The following ZMYM4 variants were observed in gnomAD, a reference collection of about 807,000 sequenced individuals.
The protein encoded by ZMYM4 is zinc finger MYM-type containing 4.
In ZMYM4, 31 loss-of-function variants were observed where a neutral mutation model predicts 183.2. The ratio of observed to expected loss-of-function variants is 0.17; its 90% confidence interval spans 0.13 to 0.23. The LOEUF (loss-of-function observed/expected upper bound fraction) is 0.23, where lower values mean the gene tolerates loss of function less well. Ranked by LOEUF, ZMYM4 falls within the 10% of genes least tolerant of loss-of-function variation. The pLI is 1.00. For synonymous variants in ZMYM4, 592 were observed against 631.2 expected, an observed-to-expected ratio of 0.94 and a Z score of 0.93; for missense variants, 1,273 against 1,840.3, an observed-to-expected ratio of 0.69 and a Z score of 5.64.
At position 35,392,556 on chromosome 1, in the gene ZMYM4, G is replaced by A; in HGVS notation, c.2729-91G>A. On this transcript the variant is annotated intron_variant, in intron 16 of 29. Transcript: ENST00000314607. Reference sequence around the variant, plus strand: ...AAAAAAACACATGTTCTTAGTATGAGGGTTTGTGTTTATGTACTGATAATC... The same window carrying A: ...AAAAAAACACATGTTCTTAGTATGAAGGTTTGTGTTTATGTACTGATAATC... 2.3e-6 allele frequency: 3 copies of A among 1,326,962 alleles called. 1 individual carries two copies. Among genetic ancestry groups the A allele is most frequent in the South Asian group, 2.6e-5 (2 of 76,996 alleles). 82.2% of individuals were successfully genotyped at this position (1,326,962 alleles called of 1,614,324 possible).
intron 2 of ZMYM4, 122 bp from the exon 3 acceptor site, chr1:35,358,803 T>C: frequency 1.3e-6 from 1 of 799,990 alleles, no homozygotes; most frequent in Non-Finnish European, 1.9e-6. Context: ...GTTAAATGAA[T>C]ACTATGGTAA....
chr1:35,299,307 G>C (rs1641164260), intron 1 of ZMYM4, among the ~76,000 whole-genome samples: 1 of 151,792 alleles, frequency 6.6e-6, no homozygotes, highest in Non-Finnish European at 1.5e-5. Flanking sequence ...TTGGCGTCTT[G>C]AACAAAGAAT....
chr1:35,387,416 A>C (rs771501295), intron 12 of ZMYM4, 38 bp from the exon 13 acceptor site: 1 of 1,578,580 alleles, frequency 6.3e-7, no homozygotes, highest in East Asian at 2.2e-5. Flanking sequence ...AAGACAAACC[A>C]AATGTTTAAT....
intron 2 of ZMYM4, among the ~76,000 whole-genome samples, chr1:35,333,827 A>AC (rs1303957356): frequency 6.6e-6 from 1 of 151,602 alleles, no homozygotes; most frequent in Non-Finnish European, 1.5e-5. Context: ...ACTTCATAAA[A>AC]CCCCTTCACC....
chr1:35,408,734 AC>A (rs1639740238), intron 26 of ZMYM4, among the ~76,000 whole-genome samples: 1 of 152,174 alleles, frequency 6.6e-6, no homozygotes, highest in Non-Finnish European at 1.5e-5. Flanking sequence ...CTGAGGAAAA[AC>A]AAAAAAAAAG....
intron 26 of ZMYM4, among the ~76,000 whole-genome samples, chr1:35,411,004 A>G (rs1639867750): frequency 6.6e-6 from 1 of 151,724 alleles, no homozygotes; most frequent in Non-Finnish European, 1.5e-5. Context: ...TAATTTTTGT[A>G]TCTGGTATGA....
At position 35,370,037 on chromosome 1, in the gene ZMYM4, T is replaced by G; in HGVS notation, c.849T>G (p.Ser283Arg). Residue 283 changes from serine to arginine, a missense_variant, in exon 6 of 30, where the codon AGT becomes AGG. Physicochemically the swap from Ser to Arg is moderately radical, Grantham distance 110. Around this residue, in one of 6 missense-constraint regions of ZMYM4, gnomAD observed 384 missense variants for 465.6 expected, o/e 0.82. Coordinates refer to ENST00000314607, the MANE Select transcript of ZMYM4 (RefSeq NM_005095.3). ...KDEPDNAQEY[S>R]HGQQQKTQEG... ...TTTTTTCTTCTTTAAAGGAGTATAG[T>G]CATGGCCAACAGCAAAAAACTCAAG... The G allele has an allele frequency of 6.2e-7, 1 of 1,612,686 alleles. No individual in the cohort carries two copies. Among genetic ancestry groups the G allele is most frequent in the Non-Finnish European group, 8.5e-7 (1 of 1,178,958 alleles).
rs547115069 is a variant in ZMYM4, at chr1:35,304,994, C to T, written c.40-20366C>T. On this transcript the variant is annotated intron_variant, in intron 1 of 29. Transcript: ENST00000314607. ...CTAAGTAGGTGGTATTACAGGCATG[C>T]GCTACTACGACCAGCTAATTTTTGT... 2.2e-4 allele frequency among the ~76,000 whole-genome samples: 34 copies of T among 152,134 alleles called. No individual in the cohort carries two copies. In the South Asian group the frequency reaches 4.2e-3, roughly 19 times the overall value.
chr1:35,418,297 CACT>C (rs1640201764), intron 28 of ZMYM4, 143 bp from the exon 29 acceptor site: 1 of 780,756 alleles, frequency 1.3e-6, no homozygotes, highest in African/African-American at 1.8e-5. Flanking sequence ...CCTTCATAGG[CACT>C]CAGTATTTGT....
chr1:35,404,241 T>C (rs1290133094), intron 23 of ZMYM4, among the ~76,000 whole-genome samples: 3 of 152,074 alleles, frequency 2.0e-5, no homozygotes, highest in African/African-American at 7.2e-5. Context: ...ATTTTTTAAT[T>C]TTTTGTAGAG....
At chr1:35,318,753 C>T (rs1258187811) in intron 1 of ZMYM4, among the ~76,000 whole-genome samples, 4 of 151,950 alleles carry the variant, frequency 2.6e-5, no homozygotes, top group Admixed American at 2.6e-4. Flanking sequence ...CCACTGTGCC[C>T]AGCCATACTC....
chr1:35,273,216 A>G (rs1639705313), intron 1 of ZMYM4, among the ~76,000 whole-genome samples: 1 of 152,172 alleles, frequency 6.6e-6, no homozygotes, highest in African/African-American at 2.4e-5. Context: ...TAGTATAGAG[A>G]GAATTAAGTT....
At chr1:35,319,186 A>G (rs1034899922) in intron 1 of ZMYM4, among the ~76,000 whole-genome samples, 4 of 152,164 alleles carry the variant, frequency 2.6e-5, no homozygotes, top group African/African-American at 9.6e-5. Flanking sequence ...GGCCAAACTG[A>G]CAGAGTTTTT....
At chr1:35,355,155 T>G (rs1643771423) in intron 2 of ZMYM4, among the ~76,000 whole-genome samples, 1 of 148,220 alleles carries the variant, frequency 6.7e-6, no homozygotes, top group South Asian at 2.2e-4. Context: ...TGCGTCAGCC[T>G]CCCGAGTAGC....
chr1:35,270,626 G>A (rs1014564898), intron 1 of ZMYM4, among the ~76,000 whole-genome samples: 2 of 152,132 alleles, frequency 1.3e-5, no homozygotes, highest in Non-Finnish European at 2.9e-5. Flanking sequence ...CCGGCGTGGT[G>A]GCGGGTGCCT....
In ZMYM4 at chr1:35,420,833, A is replaced by G. The variant is rs1298578475; in HGVS notation, c.*1156A>G. 6.6e-6 allele frequency: 1 copy of G among 152,628 alleles called. No homozygotes were observed. Among genetic ancestry groups the G allele is most frequent in the African/African-American group, 2.4e-5 (1 of 41,432 alleles). The allele number at this position is 152,628 out of a possible 1,614,324, so 9.5% of individuals were successfully genotyped here. A position where few individuals can be genotyped will look rare whatever the true frequency, so the allele number is the denominator to read the frequency against. On this transcript the variant is annotated 3_prime_UTR_variant, in exon 30 of 30. Coordinates refer to ENST00000314607, the MANE Select transcript of ZMYM4 (RefSeq NM_005095.3). Reference sequence around the variant, plus strand: ...TTGCCCTTGAAACTTGAAAATAGGGATTCTGGGGTGAGGATACAAAGACAT... The same window carrying G: ...TTGCCCTTGAAACTTGAAAATAGGGGTTCTGGGGTGAGGATACAAAGACAT...
intron 1 of ZMYM4, among the ~76,000 whole-genome samples, chr1:35,280,574 C>G (rs1640107890): frequency 6.6e-6 from 1 of 152,206 alleles, no homozygotes; most frequent in South Asian, 2.1e-4. Flanking sequence ...TCTCACAGTT[C>G]TGGAGGCTAA....
intron 1 of ZMYM4, among the ~76,000 whole-genome samples, chr1:35,316,603 T>C (rs1171001454): frequency 6.6e-6 from 1 of 152,212 alleles, no homozygotes; most frequent in Non-Finnish European, 1.5e-5. Flanking sequence ...CAGCAAAGTG[T>C]GTAGTTGTGT....
In ZMYM4 at chr1:35,419,833, C is replaced by T. The variant is rs1035461757; in HGVS notation, c.*156C>T. 5.7e-6 allele frequency: 4 copies of T among 698,122 alleles called. No individual in the cohort carries two copies. The highest frequency in any genetic ancestry group is 9.5e-6 in the Non-Finnish European group (4 of 422,452). 43.2% of individuals were successfully genotyped at this position (698,122 alleles called of 1,614,324 possible). A position where few individuals can be genotyped will look rare whatever the true frequency, so the allele number is the denominator to read the frequency against. ...TTGTGAACCCCACAGTGTGGATGTG[C>T]AAATGAAAATTGAAGGAAAGAATAT... On this transcript the variant is annotated 3_prime_UTR_variant, in exon 30 of 30. Coordinates refer to ENST00000314607, the MANE Select transcript of ZMYM4 (RefSeq NM_005095.3).
Sources: allele counts gnomAD v4.1 joint callset (sites outside exome capture counted in the v4.1 genomes callset), GRCh38; gene constraint gnomAD v4.1.1; regional missense constraint gnomAD v4.1.1; transcripts MANE v1.5; gene names NCBI Gene and HGNC (gene_info 2026-07-23, HGNC 2026-07-21).